ANKS1B: variants seen among roughly 807,000 people sequenced by gnomAD.
ANKS1B encodes ankyrin repeat and sterile alpha motif domain-containing protein 1B.
A neutral mutation model predicts 148.3 loss-of-function variants in ANKS1B; 36 were observed. The ratio of observed to expected loss-of-function variants is 0.24; its 90% CI spans 0.19 to 0.32. The LOEUF (loss-of-function observed/expected upper bound fraction) is 0.32. Among genes scored for constraint, ANKS1B ranks in the 10% least tolerant of loss-of-function variants. The pLI is 1.00. For missense variants in ANKS1B, 1,157 were observed against 1,542.6 expected, an observed-to-expected ratio of 0.75 and a Z score of 4.19; for synonymous variants, 542 against 560.8, an observed-to-expected ratio of 0.97 and a Z score of 0.47.
intron 1 of ANKS1B, among the ~76,000 whole-genome samples, chr12:99,891,248 G>T (rs963901889): frequency 1.3e-5 from 2 of 152,124 alleles, no homozygotes; most frequent in East Asian, 1.9e-4. Context: ...AGCAATGAAG[G>T]TTCCACGTTC....
chr12:99,191,695 G>A (rs572289020), intron 14 of ANKS1B, among the ~76,000 whole-genome samples: 2 of 152,254 alleles, frequency 1.3e-5, no homozygotes, highest in South Asian at 2.1e-4. Flanking sequence ...GCCTGTCAGG[G>A]AGTAGGGAAC....
At chr12:98,843,777 G>C (rs1314501897) in intron 17 of ANKS1B, among the ~76,000 whole-genome samples, 2 of 152,200 alleles carry the variant, frequency 1.3e-5, no homozygotes, top group East Asian at 1.9e-4. Context: ...AGCATGGGGA[G>C]ACACTGAATC....
intron 17 of ANKS1B, among the ~76,000 whole-genome samples, chr12:98,936,745 T>G (rs149655307): frequency 2.0e-5 from 3 of 152,352 alleles, no homozygotes; most frequent in Non-Finnish European, 4.4e-5. Context: ...ACAGTGGTCT[T>G]AAGTCAATTT....
At chr12:98,866,492 T>C (rs981051976) in intron 17 of ANKS1B, among the ~76,000 whole-genome samples, 1 of 152,210 alleles carries the variant, frequency 6.6e-6, no homozygotes, top group Admixed American at 6.5e-5. Flanking sequence ...CATGTGCACA[T>C]TGGGAGGGCT....
Position 98,751,233 on chromosome 12 carries a change from A to G in ANKS1B, c.3747+122T>C. The G allele has an allele frequency of 9.7e-7, 1 of 1,032,394 alleles. No homozygotes were observed. The highest frequency in any genetic ancestry group is 1.7e-5 in the South Asian group (1 of 58,214). The allele number at this position is 1,032,394 out of a possible 1,614,324, so 64.0% of individuals were successfully genotyped here. On this transcript the variant is annotated intron_variant, in intron 26 of 26. Transcript: ENST00000683438. The surrounding 1 kb of genome is among the most constrained non-coding windows in gnomAD (Gnocchi z 4.3). ...ATGGACACATGCCAGGAGGAGGCCA[A>G]GGGAAAGGATGAAGAAGAGGCCCTG... is the stretch of plus-strand genomic sequence containing the variant.
At chr12:99,452,458 T>TA (rs2095759320) in intron 10 of ANKS1B, among the ~76,000 whole-genome samples, 1 of 152,192 alleles carries the variant, frequency 6.6e-6, no homozygotes. Flanking sequence ...TGGCATTATA[T>TA]CTAACACCAG....
At chr12:99,515,832 C>T (rs1387214663) in intron 9 of ANKS1B, among the ~76,000 whole-genome samples, 6 of 152,092 alleles carry the variant, frequency 3.9e-5, no homozygotes, top group South Asian at 2.1e-4. Flanking sequence ...TTTGTTATTG[C>T]CTGTCTTTTG....
intron 9 of ANKS1B, among the ~76,000 whole-genome samples, chr12:99,514,804 C>A (rs2096799838): frequency 6.6e-6 from 1 of 152,016 alleles, no homozygotes; most frequent in Non-Finnish European, 1.5e-5. Flanking sequence ...CTTCCCTGCA[C>A]TGGGAAACGT....
At chr12:99,925,624 C>T (rs1178907148) in intron 1 of ANKS1B, among the ~76,000 whole-genome samples, 1 of 152,112 alleles carries the variant, frequency 6.6e-6, no homozygotes, top group Non-Finnish European at 1.5e-5. Flanking sequence ...GAGCTGGACC[C>T]TACGAGCATT....
rs980841783 is a variant in ANKS1B, at chr12:99,405,407, C to T, written c.1576-5596G>A. Among the ~76,000 whole-genome samples, 12 of 145,668 alleles carry T rather than the reference C, an allele frequency of 8.2e-5. 2 individuals are homozygous for T. The highest frequency in any genetic ancestry group is 2.9e-4 in the African/African-American group (11 of 38,516). On this transcript the variant is annotated intron_variant, in intron 11 of 26. Coordinates refer to ENST00000683438, the MANE Select transcript of ANKS1B (RefSeq NM_001352186.2). ...AAAAGTAGGGGGACAAAGTTAATGGCTACAATATTTATTAGTTTTTCCTTT... is the reference window on the plus strand; with the variant it reads ...AAAAGTAGGGGGACAAAGTTAATGGTTACAATATTTATTAGTTTTTCCTTT...
chr12:99,048,930 T>C (rs1382463758), intron 17 of ANKS1B: 2 of 152,242 alleles, frequency 1.3e-5, no homozygotes, highest in African/African-American at 4.8e-5. Flanking sequence ...TATCTAGCTG[T>C]CCTGAAGGCT....
chr12:99,077,998 T>C (rs1363604968), intron 16 of ANKS1B, among the ~76,000 whole-genome samples: 1 of 152,202 alleles, frequency 6.6e-6, no homozygotes, highest in East Asian at 1.9e-4. Context: ...AAAGTGTTTA[T>C]GAAAGAAACC....
intron 4 of ANKS1B, 44 bp downstream of exon 4, chr12:99,806,360 C>A: frequency 6.3e-7 from 1 of 1,599,022 alleles, no homozygotes. Context: ...CAAAGCCAAG[C>A]AACAGCATCA....
chr12:98,814,171 C>T (rs1172571848), intron 19 of ANKS1B, among the ~76,000 whole-genome samples: 3 of 152,150 alleles, frequency 2.0e-5, no homozygotes, highest in South Asian at 2.1e-4. Flanking sequence ...TGAGCCACCG[C>T]GCCTGGCCAT....
Position 99,049,344 on chromosome 12 carries a change from C to CA in ANKS1B, c.2778+3812dup, listed in dbSNP as rs569193918. On this transcript the variant is annotated intron_variant, in intron 17 of 26. Coordinates refer to ENST00000683438, the MANE Select transcript of ANKS1B (RefSeq NM_001352186.2). ...CACACCCACACACTCTCACAGAATGCAAAAAAAAAATTAGGAAATAAAGTT... is the reference window on the plus strand; with the variant it reads ...CACACCCACACACTCTCACAGAATGCAAAAAAAAAAATTAGGAAATAAAGTT... Among the ~76,000 whole-genome samples, 536 of 147,376 alleles carry CA rather than the reference C, an allele frequency of 3.6e-3. 3 individuals are homozygous for CA. Among genetic ancestry groups the CA allele is most frequent in the African/African-American group, 0.012 (490 of 40,252 alleles).
rs142911967 is a variant in ANKS1B, at chr12:98,994,446, G to A, written c.2778+58711C>T. On this transcript the variant is annotated intron_variant, in intron 17 of 26. Transcript: ENST00000683438. The stretch of plus-strand genomic sequence containing the variant: ...GCCTGGCCCAACATGGTGAAACCCC[G>A]TCTCTACTAAAAATACAAAAATTAG... Among the ~76,000 whole-genome samples, 478 of 152,034 alleles carry A rather than the reference G, an allele frequency of 3.1e-3. 2 individuals carry two copies. The highest frequency in any genetic ancestry group is 0.011 in the African/African-American group (464 of 41,462).
intron 1 of ANKS1B, among the ~76,000 whole-genome samples, chr12:99,892,267 C>T (rs572477314): frequency 7.9e-5 from 12 of 151,908 alleles, no homozygotes; most frequent in South Asian, 2.1e-4. Flanking sequence ...CCTCCCAAAG[C>T]GCTAGGATTA....
chr12:99,487,804 G>C (rs986228391), intron 10 of ANKS1B, among the ~76,000 whole-genome samples: 1 of 152,008 alleles, frequency 6.6e-6, no homozygotes, highest in Non-Finnish European at 1.5e-5. Flanking sequence ...ATTCTGTATT[G>C]ATGGGCACAA....
At position 99,001,853 on chromosome 12, in the gene ANKS1B, T is replaced by C. The variant is rs539244725; in HGVS notation, c.2778+51304A>G. On this transcript the variant is annotated intron_variant, in intron 17 of 26. Transcript: ENST00000683438. ...GTAACCAATTTCTACTCTCTGTTTC[T>C]AAGAGTTCAACTTTTTTAGATTTCA... 4.6e-5 allele frequency among the ~76,000 whole-genome samples: 7 copies of C among 152,352 alleles called. 1 individual carries two copies. The highest frequency in any genetic ancestry group is 4.6e-4 in the Admixed American group (7 of 15,306).
Sources: allele counts gnomAD v4.1 joint callset (sites outside exome capture counted in the v4.1 genomes callset), GRCh38; gene constraint gnomAD v4.1.1; non-coding constraint Gnocchi (gnomAD v3.1); transcripts MANE v1.5; gene names NCBI Gene and HGNC (gene_info 2026-07-23, HGNC 2026-07-21).